Variants in ADAM28 observed in about 807,000 individuals in gnomAD.
ADAM28 encodes the protein disintegrin and metalloproteinase domain-containing protein 28.
A neutral mutation model predicts 101.2 loss-of-function variants in ADAM28; 105 were observed. The observed-to-expected ratio is 1.04, with a 90% confidence interval of 0.89 to 1.22. The LOEUF is 1.22. ADAM28 is among the 50% of genes most tolerant of loss of function. The pLI, the probability that ADAM28 is intolerant of heterozygous loss-of-function variation, is 0.00. For synonymous variants in ADAM28, 322 were observed against 310.6 expected (o/e 1.04, Z -0.39); for missense variants, 1,028 against 945.4 (o/e 1.09, Z -1.15).
Position 24,354,486 on chromosome 8 carries a change from T to TATC in ADAM28, c.*83_*85dup. ...CTGGATGGCAGAGAAATATACTATCTATCTCACCAGTATTTGCTCTCGACT... is the reference window on the plus strand; with the variant it reads ...CTGGATGGCAGAGAAATATACTATCTATCATCTCACCAGTATTTGCTCTCGACT... On this transcript the variant is annotated 3_prime_UTR_variant, in exon 23 of 23. Transcript: ENST00000265769. 1 of 1,453,620 alleles carries TATC rather than the reference T, an allele frequency of 6.9e-7. No homozygotes were observed. Among genetic ancestry groups the TATC allele is most frequent in the South Asian group, 1.3e-5 (1 of 79,364 alleles). The allele number at this position is 1,453,620 out of a possible 1,614,324, so 90.0% of individuals were successfully genotyped here.
intron 14 of ADAM28, chr8:24,336,172 G>T: frequency 3.0e-6 from 3 of 984,948 alleles, no homozygotes; most frequent in Non-Finnish European, 3.6e-6. Context: ...TTCTTAAATG[G>T]TCGCTTTGTC....
chr8:24,331,752 C>G (rs1813394131), intron 12 of ADAM28, among the ~76,000 whole-genome samples: 2 of 152,048 alleles, frequency 1.3e-5, no homozygotes. Flanking sequence ...TCAAATGTAT[C>G]TGTTTCCAGC....
intron 5 of ADAM28, among the ~76,000 whole-genome samples, chr8:24,312,599 CTTG>C (rs1810617483): frequency 6.6e-6 from 1 of 151,734 alleles, no homozygotes; most frequent in African/African-American, 2.4e-5. Context: ...TATTATATCT[CTTG>C]TACTTTTTCT....
intron 9 of ADAM28, among the ~76,000 whole-genome samples, chr8:24,325,433 C>T (rs1175838083): frequency 2.0e-5 from 3 of 151,612 alleles, no homozygotes; most frequent in Admixed American, 6.6e-5. Flanking sequence ...AATTAGAGTC[C>T]GAATATACTG....
At chr8:24,295,689 G>C (rs956258589) in intron 1 of ADAM28, 1 of 152,284 alleles carries the variant, frequency 6.6e-6, no homozygotes, top group South Asian at 2.1e-4. Context: ...CCCCGACGGT[G>C]CATGTATAAC....
At position 24,349,900 on chromosome 8, in the gene ADAM28, C is replaced by G; in HGVS notation, c.2027C>G (p.Ala676Gly). Residue 676 changes from alanine to glycine, a missense_variant, in exon 19 of 23, where the codon GCG becomes GGG. Ala to Gly is a moderately conservative substitution (Grantham distance 60, BLOSUM62 0). Transcript: ENST00000265769. The part of the protein sequence containing the change: ...SIVVGVLFPM[A>G]VIFVVVAMVI... The stretch of plus-strand genomic sequence containing the variant: ...GTGGTTGGGGTGCTGTTCCCAATGG[C>G]GGTCATTTTTGTGGTGGTTGCTATG... 1 of 1,613,612 alleles carries G rather than the reference C, an allele frequency of 6.2e-7. No homozygotes were observed. The highest frequency in any genetic ancestry group is 8.5e-7 in the Non-Finnish European group (1 of 1,179,756).
Position 24,313,512 on chromosome 8 carries a change from G to C in ADAM28, c.508G>C (p.Gly170Arg). The C allele has an allele frequency of 6.2e-7, 1 of 1,613,880 alleles. No homozygotes were observed. Among genetic ancestry groups the C allele is most frequent in the Non-Finnish European group, 8.5e-7 (1 of 1,179,878 alleles). ...TGAAAAGAATTATGACAGCACCTGT[G>C]GGATGGATGGTGTGTTGTGGGCCCA... ...PDEKNYDSTC[G>R]MDGVLWAHDL... The change falls in exon 6 of 23, where the codon GGG becomes CGG. Residue 170 changes from glycine (G) to arginine (R), a missense_variant. By Grantham distance (125) the Gly-to-Arg change is moderately radical (BLOSUM62 -2). Transcript: ENST00000265769.
At position 24,329,159 on chromosome 8, in the gene ADAM28, A is replaced by G. The variant is rs372901619; in HGVS notation, c.973-826A>G. ...ATATTTCTATATAGGAGGTTTTACC[A>G]TGTTCATCTCAAAAGAATGAAAGAA... is the stretch of plus-strand genomic sequence containing the variant. On this transcript the variant is annotated intron_variant, in intron 10 of 22. Coordinates refer to ENST00000265769, the MANE Select transcript of ADAM28 (RefSeq NM_014265.6). Among the ~76,000 whole-genome samples the G allele has an allele frequency of 2.6e-5, 4 of 152,200 alleles. No individual in the cohort carries two copies. In the South Asian group the frequency reaches 8.3e-4, roughly 32 times the overall value.
chr8:24,336,301 T>C (rs145546175), intron 14 of ADAM28, among the ~76,000 whole-genome samples: 2,905 of 152,032 alleles, frequency 0.019, 91 homozygotes, highest in African/African-American at 0.067. Flanking sequence ...TAAATAACTT[T>C]GGCCAGGTGC....
chr8:24,332,490 C>A (rs896807129), intron 12 of ADAM28, among the ~76,000 whole-genome samples, 170 bp from the exon 13 acceptor site: 4 of 152,112 alleles, frequency 2.6e-5, no homozygotes, highest in Non-Finnish European at 4.4e-5. Flanking sequence ...AACAAACCAT[C>A]AGTTGCTCCA....
intron 2 of ADAM28, among the ~76,000 whole-genome samples, chr8:24,306,427 A>G (rs1422478117): frequency 7.0e-6 from 1 of 143,196 alleles, no homozygotes; most frequent in Admixed American, 7.0e-5. Context: ...CACTTCTGAT[A>G]TAATTATAAA....
intron 1 of ADAM28, among the ~76,000 whole-genome samples, chr8:24,295,550 T>C (rs1198819045): frequency 1.3e-5 from 2 of 152,170 alleles, no homozygotes; most frequent in African/African-American, 4.8e-5. Context: ...CAAGAACTGC[T>C]TGGGCACTAG....
At chr8:24,334,616 C>G (rs76276023) in intron 13 of ADAM28, among the ~76,000 whole-genome samples, 2,311 of 152,290 alleles carry the variant, frequency 0.015, 62 homozygotes, top group African/African-American at 0.053. Flanking sequence ...GTAAGGAATT[C>G]TCTGACTGGA....
chr8:24,343,523 C>A lies in ADAM28; in HGVS notation c.1929C>A (p.Leu643=). The A allele has an allele frequency of 6.2e-7, 1 of 1,613,740 alleles. No homozygotes were observed. The highest frequency in any genetic ancestry group is 8.5e-7 in the Non-Finnish European group (1 of 1,179,796). Residue 643 remains leucine, a synonymous_variant, in exon 18 of 23, where the codon CTC becomes CTA. Transcript: ENST00000265769. ...TCCCCTAGGTGTGTGACCATGAGCTCCAGTGTCAATGTGAGGAAGGATGGA... is the reference window on the plus strand; with the variant it reads ...TCCCCTAGGTGTGTGACCATGAGCTACAGTGTCAATGTGAGGAAGGATGGA... The part of the protein sequence containing the change: ...CKGHAVCDHE[L]QCQCEEGWIP...
At chr8:24,351,041 T>C (rs1188537058) in intron 19 of ADAM28, among the ~76,000 whole-genome samples, 191 bp from the exon 20 acceptor site, 1 of 152,014 alleles carries the variant, frequency 6.6e-6, no homozygotes, top group Non-Finnish European at 1.5e-5. Context: ...AAACTAGTAG[T>C]GATTATGAAT....
chr8:24,353,964 C>A, intron 22 of ADAM28, 132 bp downstream of exon 22: 1 of 571,870 alleles, frequency 1.7e-6, no homozygotes, highest in Non-Finnish European at 3.0e-6. Context: ...TGGGTGCCAA[C>A]ATGAAAGTCT....
intron 2 of ADAM28, among the ~76,000 whole-genome samples, chr8:24,304,756 C>G (rs1387068949): frequency 6.6e-6 from 1 of 151,542 alleles, no homozygotes; most frequent in Non-Finnish European, 1.5e-5. Flanking sequence ...ATCCCAACTA[C>G]TAAGGAGGCT....
chr8:24,344,975 A>T (rs1367488271), intron 18 of ADAM28, among the ~76,000 whole-genome samples: 1 of 151,758 alleles, frequency 6.6e-6, no homozygotes. Flanking sequence ...TGATTTTTTA[A>T]ATCATAATTT....
chr8:24,336,170 T>G lies in ADAM28; in HGVS notation c.1567+529T>G, dbSNP rs931744096. On this transcript the variant is annotated intron_variant, in intron 14 of 22. Coordinates refer to ENST00000265769, the MANE Select transcript of ADAM28 (RefSeq NM_014265.6). ...ATAAAGAAAAGTGAAAGTTCTTAAA[T>G]GGTCGCTTTGTCCATAATGCCAAAA... 1.6e-5 allele frequency: 16 copies of G among 985,136 alleles called. No individual in the cohort carries two copies. In the Admixed American group the frequency reaches 2.5e-4, roughly 15 times the overall value. 61.0% of individuals were successfully genotyped at this position (985,136 alleles called of 1,614,324 possible).
Sources: gnomAD v4.1 joint callset for allele counts (sites outside exome capture counted in the v4.1 genomes callset) on GRCh38, gnomAD v4.1.1 for gene constraint, MANE v1.5 for transcripts, NCBI Gene and HGNC (gene_info 2026-07-23, HGNC 2026-07-21) for gene names.